DNAAF9: variants seen among roughly 807,000 people sequenced by gnomAD.
DNAAF9 encodes dynein axonemal assembly factor 9, also known as shulin.
A neutral mutation model predicts 167.0 loss-of-function variants in DNAAF9; 90 were observed. That is an observed-to-expected ratio of 0.54 (90% confidence interval 0.45 to 0.64). DNAAF9 has a LOEUF of 0.64. DNAAF9 is among the 30% of genes least tolerant of loss of function. The pLI is 0.00. For missense variants in DNAAF9, 1,315 were observed against 1,442.2 expected (o/e 0.91, Z 1.43); for synonymous variants, 491 against 508.8 (o/e 0.96, Z 0.47).
chr20:3,350,302 C>T (rs1462398670), intron 7 of DNAAF9, among the ~76,000 whole-genome samples: 2 of 151,908 alleles, frequency 1.3e-5, no homozygotes, highest in Non-Finnish European at 2.9e-5. Context: ...AACATAGTGA[C>T]ACCCCATCTC....
At chr20:3,363,609 T>C (rs1042490243) in intron 6 of DNAAF9, among the ~76,000 whole-genome samples, 1 of 151,764 alleles carries the variant, frequency 6.6e-6, no homozygotes, top group Non-Finnish European at 1.5e-5. Context: ...TCCCAGCTCT[T>C]AGGGAAGCAG....
At chr20:3,306,455 C>G (rs1441388296) in intron 20 of DNAAF9, among the ~76,000 whole-genome samples, 4 of 152,198 alleles carry the variant, frequency 2.6e-5, no homozygotes, top group African/African-American at 9.7e-5. Flanking sequence ...TTACTAAGCA[C>G]CACACATGTC....
chr20:3,349,979 G>A (rs1403593523), intron 7 of DNAAF9, among the ~76,000 whole-genome samples: 1 of 151,900 alleles, frequency 6.6e-6, no homozygotes, highest in Non-Finnish European at 1.5e-5. Context: ...CCAGATCTAC[G>A]CCCTCCTCCT....
intron 7 of DNAAF9, among the ~76,000 whole-genome samples, chr20:3,359,018 T>C (rs528977074): frequency 9.8e-5 from 15 of 152,296 alleles, no homozygotes; most frequent in Admixed American, 3.3e-4. Context: ...TTAAACACTG[T>C]CTAGAGCTGT....
At chr20:3,366,699 AG>A (rs1220423719) in intron 6 of DNAAF9, among the ~76,000 whole-genome samples, 2 of 152,082 alleles carry the variant, frequency 1.3e-5, no homozygotes, top group Non-Finnish European at 2.9e-5. Context: ...CCGAGGTGGG[AG>A]GATCACTTGA....
intron 1 of DNAAF9, among the ~76,000 whole-genome samples, chr20:3,400,280 C>T (rs1305692328): frequency 6.6e-6 from 1 of 151,990 alleles, no homozygotes; most frequent in Non-Finnish European, 1.5e-5. Flanking sequence ...GATCCTGGAA[C>T]AGAAAAAGAA....
At chr20:3,310,364 A>AGAAAGAAAGAAG (rs2069388543) in intron 20 of DNAAF9, among the ~76,000 whole-genome samples, 4 of 151,202 alleles carry the variant, frequency 2.6e-5, no homozygotes, top group Admixed American at 2.6e-4. Context: ...AAAGAAAGAA[A>AGAAAGAAAGAAG]GAAAGAAAGA....
chr20:3,351,780 C>T (rs1199174812), intron 7 of DNAAF9, among the ~76,000 whole-genome samples: 1 of 152,098 alleles, frequency 6.6e-6, no homozygotes, highest in African/African-American at 2.4e-5. Flanking sequence ...CTTTGCTTTA[C>T]AATAAGTTAT....
chr20:3,253,871 A>T, intron 35 of DNAAF9, 52 bp from the exon 36 acceptor site: 1 of 983,664 alleles, frequency 1.0e-6, no homozygotes, highest in African/African-American at 1.6e-5. Flanking sequence ...TCTATACTTC[A>T]CTCACTCATT....
At chr20:3,294,038 T>A in intron 25 of DNAAF9, 101 bp downstream of exon 25, 1 of 718,546 alleles carries the variant, frequency 1.4e-6, no homozygotes, top group Non-Finnish European at 2.5e-6. Context: ...TAACAGGGAC[T>A]CCATCTAAGT....
chr20:3,323,147 T>C (rs532555617), intron 14 of DNAAF9, among the ~76,000 whole-genome samples: 1 of 149,806 alleles, frequency 6.7e-6, no homozygotes, highest in Non-Finnish European at 1.5e-5. Flanking sequence ...GTGTAATCTC[T>C]TGCATTAACA....
At position 3,290,132 on chromosome 20, in the gene DNAAF9, C is replaced by A; in HGVS notation, c.2324G>T (p.Gly775Val). The change falls in exon 26 of 37, where the codon GGC becomes GTC. Residue 775 changes from glycine to valine, a missense_variant. This residue lies in a region of DNAAF9 where 981 missense variants were observed against 1,012.5 expected (regional missense o/e 0.97). Transcript: ENST00000252032. ...AFLVTLHKEC[G>V]RWMVYRQIMD... ...CAAAGGCATCAGCCATACTAACCTG[C>A]CACATTCCTTATGCAGAGTGACCAG... 1.9e-6 allele frequency: 3 copies of A among 1,604,220 alleles called. No homozygotes were observed. Among genetic ancestry groups the A allele is most frequent in the Non-Finnish European group, 1.7e-6 (2 of 1,170,860 alleles).
rs1252031882 is a variant in DNAAF9, at chr20:3,259,930, T to C, written c.2972A>G (p.Lys991Arg). The change falls in exon 32 of 37, where the codon AAA (lysine) becomes AGA (arginine). Residue 991 changes from lysine (K) to arginine (R), a missense_variant. Around this residue, in one of 2 missense-constraint regions of DNAAF9, gnomAD observed 334 missense variants for 429.7 expected, o/e 0.78. Transcript: ENST00000252032. ...TCTCAGTCAAGGCTTACCTTTACAT[T>C]TGGCCACAAAGCGAGTCTTCTCCAA... is the stretch of plus-strand genomic sequence containing the variant. ...RPLEKTRFVAKCKAIQSSIKP... is the reference protein window; with the variant it reads ...RPLEKTRFVARCKAIQSSIKP... The C allele has an allele frequency of 1.5e-5, 24 of 1,596,452 alleles. No homozygotes were observed. Among genetic ancestry groups the C allele is most frequent in the Non-Finnish European group, 1.9e-5 (22 of 1,163,808 alleles).
chr20:3,270,782 C>T (rs73081049), intron 29 of DNAAF9, among the ~76,000 whole-genome samples: 3,186 of 151,550 alleles, frequency 0.021, 57 homozygotes, highest in Non-Finnish European at 0.034. Context: ...TCTGTAGCTG[C>T]CTTACTACCT....
intron 6 of DNAAF9, among the ~76,000 whole-genome samples, chr20:3,366,948 A>T (rs1335332249): frequency 6.6e-6 from 1 of 151,908 alleles, no homozygotes; most frequent in Non-Finnish European, 1.5e-5. Flanking sequence ...AAAAAAAATT[A>T]AAAAAATAAA....
chr20:3,251,453 C>A lies in DNAAF9; in HGVS notation c.*1119G>T, dbSNP rs8774. On this transcript the variant is annotated 3_prime_UTR_variant, in exon 37 of 37. Coordinates refer to ENST00000252032, the MANE Select transcript of DNAAF9 (RefSeq NM_001009984.3). The stretch of plus-strand genomic sequence containing the variant: ...GTGGCTGTGACTCCCCTGTCCCCCA[C>A]ACCAATTATGAAGGTCAGGCATGGG... 0.2 allele frequency: 30,314 copies of A among 152,198 alleles called. 3,838 individuals carry two copies. Among genetic ancestry groups the A allele is most frequent in the South Asian group, 0.42 (2,014 of 4,818 alleles). The allele number at this position is 152,198 out of a possible 1,614,324, so 9.4% of individuals were successfully genotyped here. A position where few individuals can be genotyped will look rare whatever the true frequency, so the allele number is the denominator to read the frequency against.
Position 3,360,133 on chromosome 20 carries a change from C to T in DNAAF9, c.613-540G>A, listed in dbSNP as rs543874572. 3.9e-5 allele frequency: 6 copies of T among 152,294 alleles called. No individual in the cohort carries two copies. In the South Asian group the frequency reaches 1.2e-3, roughly 32 times the overall value. 9.4% of individuals were successfully genotyped at this position (152,294 alleles called of 1,614,324 possible). A position where few individuals can be genotyped will look rare whatever the true frequency, so the allele number is the denominator to read the frequency against. On this transcript the variant is annotated intron_variant, in intron 6 of 36. Transcript: ENST00000252032. Reference sequence around the variant, plus strand: ...ATGACATGCAAATTTGTGAAGCATTCCGCATTTTCAAAAAATAATTTTTTT... The same window carrying T: ...ATGACATGCAAATTTGTGAAGCATTTCGCATTTTCAAAAAATAATTTTTTT...
At position 3,252,275 on chromosome 20, in the gene DNAAF9, GGAGATCCTGTTATCAGAAACCCA is replaced by G. The variant is rs1275649378; in HGVS notation, c.*274_*296del. Reference sequence around the variant, plus strand: ...TTCTCCCCAACCTCAAGAGCCCAAAGGAGATCCTGTTATCAGAAACCCAGAGCTCCTGGACTGCCAGTTGCACA... The same window carrying G: ...TTCTCCCCAACCTCAAGAGCCCAAAGGAGCTCCTGGACTGCCAGTTGCACA... On this transcript the variant is annotated 3_prime_UTR_variant, in exon 37 of 37. Transcript: ENST00000252032. 6 of 280,506 alleles carry G rather than the reference GGAGATCCTGTTATCAGAAACCCA, an allele frequency of 2.1e-5. No homozygotes were observed. Among genetic ancestry groups the G allele is most frequent in the Non-Finnish European group, 3.4e-5 (5 of 146,378 alleles). 17.4% of individuals were successfully genotyped at this position (280,506 alleles called of 1,614,324 possible).
At chr20:3,398,835 A>G (rs916991546) in intron 1 of DNAAF9, among the ~76,000 whole-genome samples, 5 of 152,190 alleles carry the variant, frequency 3.3e-5, no homozygotes, top group African/African-American at 1.2e-4. Context: ...AAAACTAGAC[A>G]TGGGGAGAAA....
Sources: gnomAD v4.1 joint callset for allele counts (sites outside exome capture counted in the v4.1 genomes callset) on GRCh38, gnomAD v4.1.1 for gene constraint, gnomAD v4.1.1 regional missense constraint, MANE v1.5 for transcripts, NCBI Gene and HGNC (gene_info 2026-07-23, HGNC 2026-07-21) for gene names.